REEP1: variants seen among roughly 807,000 people sequenced by gnomAD.
REEP1 encodes the protein receptor accessory protein 1.
A neutral mutation model predicts 40.3 loss-of-function variants in REEP1; 22 were observed. That is an observed-to-expected ratio of 0.55 (90% CI 0.39 to 0.78). REEP1 has a LOEUF of 0.78. Among genes scored for constraint, REEP1 ranks in the 30% least tolerant of loss-of-function variants. The pLI is 0.00. For synonymous variants in REEP1, 116 were observed against 139.2 expected (o/e 0.83, Z 1.17); for missense variants, 280 against 361.1 (o/e 0.78, Z 1.82).
chr2:86,282,353 G>C, intron 1 of REEP1, 111 bp from the exon 2 acceptor site: 3 of 843,812 alleles, frequency 3.6e-6, no homozygotes, highest in Non-Finnish European at 6.0e-6. Context: ...AAGTGCTGCT[G>C]TGGGGCTTGA....
chr2:86,253,718 T>G (rs1011530736), intron 4 of REEP1, among the ~76,000 whole-genome samples: 1 of 152,202 alleles, frequency 6.6e-6, no homozygotes. Context: ...AAAGAGATTT[T>G]CCGAAACTTG....
At chr2:86,255,062 G>C (rs1676480710) in intron 3 of REEP1, 7 of 439,884 alleles carry the variant, frequency 1.6e-5, no homozygotes, top group Non-Finnish European at 4.1e-6. Flanking sequence ...CAGGAACACA[G>C]GTTCTCTCCA....
chr2:86,290,826 C>G (rs2104426051), intron 1 of REEP1, among the ~76,000 whole-genome samples: 1 of 152,314 alleles, frequency 6.6e-6, no homozygotes, highest in South Asian at 2.1e-4. Context: ...GTTCCCATAG[C>G]ACAGCAAACC....
chr2:86,280,752 AG>A (rs1298114980), intron 2 of REEP1, among the ~76,000 whole-genome samples: 2 of 152,112 alleles, frequency 1.3e-5, no homozygotes, highest in African/African-American at 4.8e-5. Context: ...GTGCAAGCCC[AG>A]GCAAGTTGTT....
At chr2:86,231,419 G>A (rs1675009346) in intron 6 of REEP1, among the ~76,000 whole-genome samples, 4 of 152,188 alleles carry the variant, frequency 2.6e-5, no homozygotes, top group African/African-American at 7.2e-5. Flanking sequence ...GGAAATGGAC[G>A]GAGCCCTGAG....
rs1268170529 is a variant in REEP1 at position 86,216,930 on chromosome 2, C to G, written c.*109G>C. On this transcript the variant is annotated 3_prime_UTR_variant, in exon 9 of 9. Coordinates refer to ENST00000538924, the MANE Select transcript of REEP1 (RefSeq NM_001371279.1). The stretch of plus-strand genomic sequence containing the variant: ...GAGAGAAAAGGCCATGTTTGTGAGG[C>G]TGCACACTCAAAGCACACCCAGCTT... The G allele has an allele frequency of 5.9e-6, 5 of 843,622 alleles. No homozygotes were observed. The highest frequency in any genetic ancestry group is 9.9e-6 in the Non-Finnish European group (5 of 503,996). 52.3% of individuals were successfully genotyped at this position (843,622 alleles called of 1,614,324 possible).
chr2:86,220,195 G>T, intron 7 of REEP1, 74 bp from the exon 8 acceptor site: 1 of 1,092,666 alleles, frequency 9.2e-7, no homozygotes, highest in Non-Finnish European at 1.2e-6. Context: ...GAGCAGGGAA[G>T]GGCAAGGTTA....
At chr2:86,301,850 A>G (rs1679268594) in intron 1 of REEP1, among the ~76,000 whole-genome samples, 1 of 152,240 alleles carries the variant, frequency 6.6e-6, no homozygotes, top group Non-Finnish European at 1.5e-5. Context: ...GTTCCCAGGC[A>G]GGTCCAATTC....
At chr2:86,332,412 C>A (rs1342827191) in intron 1 of REEP1, among the ~76,000 whole-genome samples, 1 of 149,980 alleles carries the variant, frequency 6.7e-6, no homozygotes, top group Non-Finnish European at 1.5e-5. Flanking sequence ...CTCTCCTTTC[C>A]CTAGCCTCCC....
chr2:86,322,116 C>T (rs1680295773), intron 1 of REEP1, among the ~76,000 whole-genome samples: 2 of 152,044 alleles, frequency 1.3e-5, no homozygotes, highest in Admixed American at 6.5e-5. Flanking sequence ...ATATCAAATA[C>T]CTGGGAATAA....
At chr2:86,249,238 C>T (rs544003969) in intron 5 of REEP1, among the ~76,000 whole-genome samples, 5 of 149,842 alleles carry the variant, frequency 3.3e-5, no homozygotes, top group South Asian at 2.1e-4. Flanking sequence ...CCAGCCTAGG[C>T]GACAGAGCAA....
At position 86,266,142 on chromosome 2, in the gene REEP1, C is replaced by T. The variant is rs1202429928; in HGVS notation, c.106-2101G>A. Among the ~76,000 whole-genome samples the T allele has an allele frequency of 4.6e-5, 7 of 152,264 alleles. 1 individual carries two copies. The highest frequency in any genetic ancestry group is 3.9e-4 in the Admixed American group (6 of 15,296). On this transcript the variant is annotated intron_variant, in intron 2 of 8. Transcript: ENST00000538924. ...ACAAGGGCTTTAAAAGGTATCAATA[C>T]GTTTTGAGTTAACTAGATATCCACA...
intron 7 of REEP1, among the ~76,000 whole-genome samples, chr2:86,225,638 C>A (rs1219979382): frequency 6.6e-6 from 1 of 152,230 alleles, no homozygotes; most frequent in Non-Finnish European, 1.5e-5. Context: ...TAAAGCAATG[C>A]AGGGAAAACA....
chr2:86,295,925 T>C (rs1678959695), intron 1 of REEP1, among the ~76,000 whole-genome samples: 2 of 152,202 alleles, frequency 1.3e-5, no homozygotes, highest in Admixed American at 1.3e-4. Flanking sequence ...CCATTTGCTT[T>C]TGCAGATCTG....
intron 6 of REEP1, among the ~76,000 whole-genome samples, chr2:86,232,268 G>A (rs1368899351): frequency 1.3e-5 from 2 of 152,198 alleles, no homozygotes; most frequent in East Asian, 3.9e-4. Context: ...CCCGGAGTCT[G>A]AGAAGACAAC....
intron 5 of REEP1, among the ~76,000 whole-genome samples, chr2:86,245,440 T>C (rs775748620): frequency 6.6e-5 from 10 of 152,204 alleles, no homozygotes; most frequent in Admixed American, 3.9e-4. Context: ...CCGCTCCCAC[T>C]AGCTACTCTC....
chr2:86,235,989 G>C (rs1376219345), intron 5 of REEP1, among the ~76,000 whole-genome samples: 1 of 152,142 alleles, frequency 6.6e-6, no homozygotes, highest in African/African-American at 2.4e-5. Flanking sequence ...GGCCGAGGCA[G>C]GTGGATCACT....
At chr2:86,240,855 G>A (rs752155833) in intron 5 of REEP1, among the ~76,000 whole-genome samples, 6 of 152,150 alleles carry the variant, frequency 3.9e-5, no homozygotes, top group Non-Finnish European at 7.3e-5. Flanking sequence ...GAATACAGAC[G>A]GTATTTTCTA....
At chr2:86,336,024 T>C (rs1251002901) in intron 1 of REEP1, among the ~76,000 whole-genome samples, 1 of 151,798 alleles carries the variant, frequency 6.6e-6, no homozygotes, top group Non-Finnish European at 1.5e-5. Flanking sequence ...AGCTCAACTC[T>C]CCAGCCCCAC....
Sources: gnomAD v4.1 joint callset for allele counts (sites outside exome capture counted in the v4.1 genomes callset) on GRCh38, gnomAD v4.1.1 for gene constraint, MANE v1.5 for transcripts, NCBI Gene and HGNC (gene_info 2026-07-23, HGNC 2026-07-21) for gene names.